ZNF519: variants seen among roughly 807,000 people sequenced by gnomAD.
ZNF519 encodes zinc finger protein 519.
ZNF519 carries 7 observed loss-of-function variants against 7.4 expected under a neutral mutation model. That is an observed-to-expected ratio of 0.94 (90% CI 0.54 to 1.77). The LOEUF is 1.77. ZNF519 is among the 40% of genes most tolerant of loss of function. The pLI, the probability that ZNF519 is intolerant of heterozygous loss-of-function variation, is 0.00. For synonymous variants in ZNF519, 179 were observed against 203.3 expected, an observed-to-expected ratio of 0.88 and a Z score of 1.02; for missense variants, 586 against 623.1, an observed-to-expected ratio of 0.94 and a Z score of 0.63.
chr18:14,097,276 C>T (rs1458173099), downstream of ZNF519, among the ~76,000 whole-genome samples: 1 of 152,170 alleles, frequency 6.6e-6, no homozygotes, highest in African/African-American at 2.4e-5. Flanking sequence ...AACTGCTTCA[C>T]TAAAATACTA....
At chr18:14,072,801 A>C (rs2046032869), downstream of ZNF519, 1 of 152,182 alleles carries the variant, frequency 6.6e-6, no homozygotes, top group East Asian at 1.9e-4. Context: ...CTGGTCTCAC[A>C]GTTCAAGACT....
At chr18:14,117,657 T>C (rs1411462928) in intron 2 of ZNF519, among the ~76,000 whole-genome samples, 2 of 152,188 alleles carry the variant, frequency 1.3e-5, no homozygotes, top group African/African-American at 2.4e-5. Context: ...ATGCAGGCTG[T>C]ACAGGAAGCA....
At chr18:14,097,840 T>C (rs1028761603), downstream of ZNF519, among the ~76,000 whole-genome samples, 4 of 152,196 alleles carry the variant, frequency 2.6e-5, no homozygotes, top group African/African-American at 9.7e-5. Flanking sequence ...TGTGTGTATA[T>C]GTATGTTTAT....
exon 5 of ZNF519, chr18:14,077,034 C>T (rs2046050379): frequency 1.3e-5 from 2 of 152,078 alleles, no homozygotes; most frequent in Admixed American, 1.3e-4. Context: ...TCTACTAATC[C>T]TGAAAATGTC....
intron 2 of ZNF519, among the ~76,000 whole-genome samples, chr18:14,112,549 A>G (rs1309439483): frequency 6.6e-6 from 1 of 152,202 alleles, no homozygotes; most frequent in African/African-American, 2.4e-5. Context: ...ATATTTGGAA[A>G]ATCCTAATTC....
At position 14,105,813 on chromosome 18, in the gene ZNF519, A is replaced by AT. The variant is rs1464669611; in HGVS notation, c.726dup (p.Cys243MetfsTer6). On this transcript the variant is annotated frameshift_variant, in exon 3 of 3. Coordinates refer to ENST00000590202, the MANE Select transcript of ZNF519 (RefSeq NM_145287.4). LOFTEE classifies it low-confidence loss of function (END_TRUNC). ...TGTGATTGACTAAAGACTATTATACATTTTTTATTACATCTTTGTGAGCTC... is the reference window on the plus strand; with the variant it reads ...TGTGATTGACTAAAGACTATTATACATTTTTTTATTACATCTTTGTGAGCTC... 4 of 1,602,130 alleles carry AT rather than the reference A, an allele frequency of 2.5e-6. No individual in the cohort carries two copies. The highest frequency in any genetic ancestry group is 3.4e-6 in the Non-Finnish European group (4 of 1,176,596).
At position 14,100,596 on chromosome 18, in the gene ZNF519, C is replaced by T. The variant is rs550931033; in HGVS notation, c.*4321G>A. On this transcript the variant is annotated 3_prime_UTR_variant, in exon 3 of 3. Transcript: ENST00000590202. ...CAAAAGGTTGCACAGGTTATGATTT[C>T]ATTTATATAACATTATTGGAATGAC... The T allele has an allele frequency of 4.6e-5, 7 of 152,262 alleles. No homozygotes were observed. In the South Asian group the frequency reaches 1.5e-3, roughly 32 times the overall value. The allele number at this position is 152,262 out of a possible 1,614,324, so 9.4% of individuals were successfully genotyped here.
intron 2 of ZNF519, 21 bp from the exon 3 acceptor site, chr18:14,106,430 T>G: frequency 6.5e-7 from 1 of 1,538,786 alleles, no homozygotes; most frequent in East Asian, 2.3e-5. Context: ...TAAAAATAAC[T>G]AATTATTCTA....
chr18:14,126,047 T>C (rs1598523718), intron 1 of ZNF519, among the ~76,000 whole-genome samples: 1 of 152,136 alleles, frequency 6.6e-6, no homozygotes, highest in South Asian at 2.1e-4. Flanking sequence ...TTATCTCCTT[T>C]TGGGTTTCAG....
At chr18:14,126,353 C>T (rs757492516) in intron 1 of ZNF519, among the ~76,000 whole-genome samples, 72 of 152,172 alleles carry the variant, frequency 4.7e-4, no homozygotes, top group Non-Finnish European at 8.2e-4. Flanking sequence ...AACCAAAACC[C>T]TTACGTTTTC....
chr18:14,072,576 T>A (rs561634216), downstream of ZNF519: 1 of 150,448 alleles, frequency 6.6e-6, no homozygotes, highest in African/African-American at 2.4e-5. Context: ...CCCTTTCAGA[T>A]GGTCAACAGT....
Position 14,100,010 on chromosome 18 carries a change from A to G in ZNF519, c.*4907T>C, listed in dbSNP as rs373205020. The G allele has an allele frequency of 6.6e-6, 1 of 152,236 alleles. No individual in the cohort carries two copies. Among genetic ancestry groups the G allele is most frequent in the South Asian group, 2.1e-4 (1 of 4,828 alleles). 9.4% of individuals were successfully genotyped at this position (152,236 alleles called of 1,614,324 possible). A position where few individuals can be genotyped will look rare whatever the true frequency, so the allele number is the denominator to read the frequency against. On this transcript the variant is annotated 3_prime_UTR_variant, in exon 3 of 3. Transcript: ENST00000590202. ...AACCAGAATATAAACAGAACTCTCAAAACTTGCAAGAAAACAAATACAATT... is the reference window on the plus strand; with the variant it reads ...AACCAGAATATAAACAGAACTCTCAGAACTTGCAAGAAAACAAATACAATT...
intron 2 of ZNF519, among the ~76,000 whole-genome samples, chr18:14,113,461 T>C (rs1228636794): frequency 2.0e-5 from 3 of 152,222 alleles, no homozygotes; most frequent in African/African-American, 7.2e-5. Context: ...TGAAGTCTCA[T>C]GTCTCCCTAA....
intron 1 of ZNF519, among the ~76,000 whole-genome samples, chr18:14,127,680 T>A (rs780069778): frequency 2.6e-5 from 4 of 152,172 alleles, no homozygotes; most frequent in Non-Finnish European, 5.9e-5. Context: ...ATGGGCCCCA[T>A]GATCTCTGAA....
chr18:14,110,922 GCTACATATTAAGTACAGTGTACACTGC>G (rs2046217219), intron 2 of ZNF519, among the ~76,000 whole-genome samples: 1 of 152,030 alleles, frequency 6.6e-6, no homozygotes, highest in African/African-American at 2.4e-5. Flanking sequence ...AGGGATAAAA[GCTACATATTAAGTACAGTGTACACTGC>G]TCGGGTGACA....
downstream of ZNF519, among the ~76,000 whole-genome samples, chr18:14,098,154 T>C (rs1442651414): frequency 6.7e-6 from 1 of 149,404 alleles, no homozygotes. Context: ...TATACAACTT[T>C]CACTGTCTTT....
At chr18:14,082,725 C>T (rs1342235151) in intron 3 of ZNF519, 6 of 150,808 alleles carry the variant, frequency 4.0e-5, no homozygotes, top group Admixed American at 2.6e-4. Flanking sequence ...AGTGCAGAGG[C>T]ACGATAATTA....
In ZNF519 at chr18:14,105,482, C is replaced by A; in HGVS notation, c.1058G>T (p.Cys353Phe). 2 of 1,613,912 alleles carry A rather than the reference C, an allele frequency of 1.2e-6. No homozygotes were observed. Among genetic ancestry groups the A allele is most frequent in the East Asian group, 2.2e-5 (1 of 44,866 alleles). Residue 353 changes from cysteine to phenylalanine, a missense_variant, in exon 3 of 3, where the codon TGT becomes TTT. Transcript: ENST00000590202. ...TGERAFKCEECGKAFNRGSYL... is the reference protein window; with the variant it reads ...TGERAFKCEEFGKAFNRGSYL... ...TGACCCCCTGTTAAAGGCTTTGCCACATTCTTCACATTTGAAAGCTCTCTC... is the reference window on the plus strand; with the variant it reads ...TGACCCCCTGTTAAAGGCTTTGCCAAATTCTTCACATTTGAAAGCTCTCTC...
At position 14,101,440 on chromosome 18, in the gene ZNF519, T is replaced by C. The variant is rs532838251; in HGVS notation, c.*3477A>G. On this transcript the variant is annotated 3_prime_UTR_variant, in exon 3 of 3. Coordinates refer to ENST00000590202, the MANE Select transcript of ZNF519 (RefSeq NM_145287.4). Reference sequence around the variant, plus strand: ...GAAAGTAAAATATAAATAATTTTCCTAGATATTCTTACAAATATGTGAAAG... The same window carrying C: ...GAAAGTAAAATATAAATAATTTTCCCAGATATTCTTACAAATATGTGAAAG... 1.6e-5 allele frequency: 6 copies of C among 379,944 alleles called. No individual in the cohort carries two copies. The highest frequency in any genetic ancestry group is 1.0e-4 in the African/African-American group (5 of 48,376). The allele number at this position is 379,944 out of a possible 1,614,324, so 23.5% of individuals were successfully genotyped here. A position where few individuals can be genotyped will look rare whatever the true frequency, so the allele number is the denominator to read the frequency against.
Sources: allele counts gnomAD v4.1 joint callset (sites outside exome capture counted in the v4.1 genomes callset), GRCh38; gene constraint gnomAD v4.1.1; transcripts MANE v1.5; gene names NCBI Gene and HGNC (gene_info 2026-07-23, HGNC 2026-07-21).